The following WBP1L variants were observed in gnomAD, a reference collection of about 807,000 sequenced individuals.
The protein encoded by WBP1L is WW domain binding protein 1-like.
WBP1L carries 17 observed loss-of-function variants against 33.7 expected under a neutral mutation model. The ratio of observed to expected loss-of-function variants is 0.50; its 90% confidence interval spans 0.34 to 0.76. WBP1L has a LOEUF of 0.76. Ranked by LOEUF, WBP1L falls within the 30% of genes least tolerant of loss-of-function variation. WBP1L has a pLI of 0.01. For missense variants in WBP1L, 389 were observed against 469.4 expected, an observed-to-expected ratio of 0.83 and a Z score of 1.58; for synonymous variants, 173 against 190.8, an observed-to-expected ratio of 0.91 and a Z score of 0.77.
At chr10:102,803,275 C>T (rs1178632833) in intron 2 of WBP1L, among the ~76,000 whole-genome samples, 3 of 152,176 alleles carry the variant, frequency 2.0e-5, no homozygotes, top group African/African-American at 4.8e-5. Context: ...CACCCACCGT[C>T]CTGCAGGATG....
chr10:102,793,462 G>GTA (rs1245900373), intron 1 of WBP1L, among the ~76,000 whole-genome samples: 2 of 152,080 alleles, frequency 1.3e-5, no homozygotes, highest in Non-Finnish European at 2.9e-5. Flanking sequence ...TACGTAAATA[G>GTA]TAAAAGCATA....
At chr10:102,776,716 G>A (rs370419372) in intron 1 of WBP1L, among the ~76,000 whole-genome samples, 18 of 152,260 alleles carry the variant, frequency 1.2e-4, no homozygotes, top group African/African-American at 3.9e-4. Context: ...CTGAAGAATG[G>A]GGCTGGGGAA....
intron 1 of WBP1L, among the ~76,000 whole-genome samples, chr10:102,757,359 A>C (rs910015822): frequency 6.6e-6 from 1 of 152,156 alleles, no homozygotes; most frequent in African/African-American, 2.4e-5. Context: ...CGTGCCCTTG[A>C]GTGAGAAGAG....
intron 1 of WBP1L, among the ~76,000 whole-genome samples, chr10:102,788,163 C>G (rs183227636): frequency 1.1e-4 from 16 of 148,194 alleles, no homozygotes; most frequent in African/African-American, 1.5e-4. Context: ...CAGTCTCACT[C>G]TGTCACCCAG....
chr10:102,807,265 G>A (rs1456873189), intron 2 of WBP1L, among the ~76,000 whole-genome samples: 1 of 151,986 alleles, frequency 6.6e-6, no homozygotes, highest in South Asian at 2.1e-4. Flanking sequence ...CTACAGAGAA[G>A]CACATGTCCA....
At chr10:102,764,104 ACGC>A (rs1466803623) in intron 1 of WBP1L, among the ~76,000 whole-genome samples, 2 of 152,122 alleles carry the variant, frequency 1.3e-5, no homozygotes, top group Non-Finnish European at 2.9e-5. Context: ...GTGAGCCACC[ACGC>A]CCGGCCTTCT....
chr10:102,801,242 G>T (rs1292478604), intron 2 of WBP1L, among the ~76,000 whole-genome samples: 1 of 152,142 alleles, frequency 6.6e-6, no homozygotes, highest in African/African-American at 2.4e-5. Flanking sequence ...CCTGATCGTT[G>T]TTAGTATTAT....
chr10:102,774,901 C>T (rs1451558994), intron 1 of WBP1L, among the ~76,000 whole-genome samples: 1 of 151,872 alleles, frequency 6.6e-6, no homozygotes. Flanking sequence ...ATCACTTGAG[C>T]CCAGGAGTTC....
At chr10:102,755,861 TG>T (rs1388554787) in intron 1 of WBP1L, among the ~76,000 whole-genome samples, 53 of 140,278 alleles carry the variant, frequency 3.8e-4, no homozygotes, top group Middle Eastern at 4.6e-3. Flanking sequence ...CTGGCTAACA[TG>T]GTGAAACCCC....
intron 1 of WBP1L, among the ~76,000 whole-genome samples, chr10:102,760,821 A>G (rs888567857): frequency 1.3e-5 from 2 of 152,208 alleles, no homozygotes; most frequent in African/African-American, 4.8e-5. Context: ...CTGAACAGTC[A>G]CACAGTTAGG....
intron 1 of WBP1L, among the ~76,000 whole-genome samples, chr10:102,760,048 C>A (rs1228742190): frequency 6.6e-6 from 1 of 152,180 alleles, no homozygotes; most frequent in Admixed American, 6.5e-5. Flanking sequence ...TACAGCCATG[C>A]TAGTGGGTGT....
At chr10:102,765,855 CAGAG>C (rs1001291557) in intron 1 of WBP1L, among the ~76,000 whole-genome samples, 8 of 152,162 alleles carry the variant, frequency 5.3e-5, no homozygotes, top group Non-Finnish European at 1.0e-4. Context: ...TCTAAGGACT[CAGAG>C]AGAGTTGAGA....
chr10:102,792,783 C>A (rs766454503), intron 1 of WBP1L, among the ~76,000 whole-genome samples: 7 of 151,850 alleles, frequency 4.6e-5, no homozygotes, highest in African/African-American at 7.3e-5. Flanking sequence ...TTAGTAGAGA[C>A]GGGGTTTCTC....
At chr10:102,788,636 G>A (rs2250301) in intron 1 of WBP1L, among the ~76,000 whole-genome samples, 35,969 of 152,006 alleles carry the variant, frequency 0.24, 4,487 homozygotes, top group Admixed American at 0.29. Flanking sequence ...TGAAAACTGC[G>A]TTATCCTTTA....
chr10:102,796,612 G>A (rs992133954), intron 1 of WBP1L, among the ~76,000 whole-genome samples: 2 of 152,180 alleles, frequency 1.3e-5, no homozygotes, highest in Non-Finnish European at 2.9e-5. Flanking sequence ...CTGAGTTGCC[G>A]CAAATACTGT....
chr10:102,786,709 C>A (rs1843420550), intron 1 of WBP1L, among the ~76,000 whole-genome samples: 2 of 152,224 alleles, frequency 1.3e-5, no homozygotes, highest in Non-Finnish European at 2.9e-5. Context: ...AGGGACCAGA[C>A]CAGATTGTTC....
At chr10:102,812,498 G>A in intron 3 of WBP1L, 97 bp from the exon 4 acceptor site, 2 of 1,402,340 alleles carry the variant, frequency 1.4e-6, no homozygotes, top group Admixed American at 2.5e-5. Flanking sequence ...GTGCTCTGGG[G>A]TGGGAAGAGA....
chr10:102,813,264 G>A lies in WBP1L; in HGVS notation c.1025G>A (p.Cys342Tyr). The part of the protein sequence containing the change: ...GHPHLPRPPA[C>Y]LLLNTINEQD... ...CCGCACCTGCCACGGCCGCCCGCAT[G>A]CCTGCTGCTGAACACCATCAACGAG... Residue 342 changes from cysteine to tyrosine, a missense_variant, in exon 4 of 4, where the codon TGC becomes TAC. Physicochemically the swap from Cys to Tyr is radical, Grantham distance 194. Coordinates refer to ENST00000448841, the MANE Select transcript of WBP1L (RefSeq NM_001083913.2). 6.2e-7 allele frequency: 1 copy of A among 1,613,028 alleles called. No homozygotes were observed. The highest frequency in any genetic ancestry group is 8.5e-7 in the Non-Finnish European group (1 of 1,179,980).
intron 1 of WBP1L, among the ~76,000 whole-genome samples, chr10:102,781,949 C>T (rs1382726856): frequency 1.3e-5 from 2 of 152,082 alleles, no homozygotes; most frequent in East Asian, 3.9e-4. Context: ...TCTTGGCTTA[C>T]TACAACTTCT....
Sources: gnomAD v4.1 joint callset for allele counts (sites outside exome capture counted in the v4.1 genomes callset) on GRCh38, gnomAD v4.1.1 for gene constraint, MANE v1.5 for transcripts, NCBI Gene and HGNC (gene_info 2026-07-23, HGNC 2026-07-21) for gene names.